The following ZNF609 variants were observed in gnomAD, a reference collection of about 807,000 sequenced individuals.
The protein encoded by ZNF609 is zinc finger protein 609.
A neutral mutation model predicts 109.5 loss-of-function variants in ZNF609; 11 were observed. The observed-to-expected ratio is 0.10, with a 90% confidence interval of 0.06 to 0.17. The LOEUF is 0.17. Among genes scored for constraint, ZNF609 ranks in the 10% least tolerant of loss-of-function variants. ZNF609 has a pLI of 1.00. For synonymous variants in ZNF609, 646 were observed against 662.0 expected, an observed-to-expected ratio of 0.98 and a Z score of 0.37; for missense variants, 1,559 against 1,772.4, an observed-to-expected ratio of 0.88 and a Z score of 2.16.
rs911612576 is a variant in ZNF609 at position 64,683,216 on chromosome 15, A to G, written c.*1530A>G. The stretch of plus-strand genomic sequence containing the variant: ...TGACCCTCTGGATTGAGAGAGAGAG[A>G]TAAAGACTGACAGACACCAGTGTAG... On this transcript the variant is annotated 3_prime_UTR_variant, in exon 10 of 10. Transcript: ENST00000326648. 1 of 152,606 alleles carries G rather than the reference A, an allele frequency of 6.6e-6. No homozygotes were observed. The allele number at this position is 152,606 out of a possible 1,614,324, so 9.5% of individuals were successfully genotyped here.
intron 2 of ZNF609, among the ~76,000 whole-genome samples, chr15:64,589,915 C>T (rs1029797186): frequency 3.9e-5 from 6 of 152,024 alleles, no homozygotes; most frequent in Admixed American, 1.3e-4. Flanking sequence ...CACAGATAAG[C>T]GATAGTGAAA....
intron 2 of ZNF609, among the ~76,000 whole-genome samples, chr15:64,564,698 G>C (rs1177078427): frequency 6.6e-6 from 1 of 151,826 alleles, no homozygotes; most frequent in Non-Finnish European, 1.5e-5. Context: ...ACCTATTTCA[G>C]TGTGGCTTCA....
intron 2 of ZNF609, among the ~76,000 whole-genome samples, chr15:64,509,688 G>A (rs1893689672): frequency 6.6e-6 from 1 of 152,180 alleles, no homozygotes; most frequent in Non-Finnish European, 1.5e-5. Flanking sequence ...TTGGCAGAGG[G>A]CTGATCTCAG....
chr15:64,471,246 A>G (rs1245681662), intron 1 of ZNF609: 3 of 152,160 alleles, frequency 2.0e-5, no homozygotes, highest in African/African-American at 7.2e-5. Flanking sequence ...CTGTAATCCC[A>G]GCTACTCAGG....
At chr15:64,531,347 A>C (rs1292207884) in intron 2 of ZNF609, among the ~76,000 whole-genome samples, 1 of 152,170 alleles carries the variant, frequency 6.6e-6, no homozygotes, top group East Asian at 1.9e-4. Flanking sequence ...GAGATGATAA[A>C]CCTAAAAACA....
At position 64,555,234 on chromosome 15, in the gene ZNF609, A is replaced by T. The variant is rs532491041; in HGVS notation, c.747+55068A>T. On this transcript the variant is annotated intron_variant, in intron 2 of 9. Coordinates refer to ENST00000326648, the MANE Select transcript of ZNF609 (RefSeq NM_015042.2). ...AAAACAAAATTAGCCAGCTGTGGTG[A>T]CACATGCCTGTAGTCCCAGCTACTC... is the stretch of plus-strand genomic sequence containing the variant. 1.3e-4 allele frequency among the ~76,000 whole-genome samples: 20 copies of T among 152,232 alleles called. No individual in the cohort carries two copies. The South Asian group carries it at 2.1e-3, about 16-fold the overall frequency.
intron 2 of ZNF609, among the ~76,000 whole-genome samples, chr15:64,560,544 A>G (rs1164413135): frequency 1.3e-5 from 2 of 152,010 alleles, no homozygotes; most frequent in African/African-American, 4.8e-5. Context: ...AAACTTGGGG[A>G]CCGCTCTTCC....
At chr15:64,633,463 G>A (rs1470545592) in intron 3 of ZNF609, among the ~76,000 whole-genome samples, 1 of 151,914 alleles carries the variant, frequency 6.6e-6, no homozygotes, top group African/African-American at 2.4e-5. Flanking sequence ...ATTTTCTTAC[G>A]GAAATGAGAT....
At chr15:64,465,973 A>G (rs894497690) in intron 1 of ZNF609, among the ~76,000 whole-genome samples, 1 of 151,826 alleles carries the variant, frequency 6.6e-6, no homozygotes, top group Admixed American at 6.6e-5. Flanking sequence ...AAAATTAGCC[A>G]GGCTTGGTGG....
At chr15:64,581,232 G>A (rs1393681913) in intron 2 of ZNF609, among the ~76,000 whole-genome samples, 1 of 151,968 alleles carries the variant, frequency 6.6e-6, no homozygotes, top group African/African-American at 2.4e-5. Context: ...GTCAACCGGA[G>A]GTGAGAGTTT....
chr15:64,475,187 T>C (rs1334978182), intron 1 of ZNF609, among the ~76,000 whole-genome samples: 1 of 151,186 alleles, frequency 6.6e-6, no homozygotes, highest in Non-Finnish European at 1.5e-5. Context: ...TTTTCTCTTC[T>C]GTTCTGTTGG....
At chr15:64,623,110 C>G in intron 3 of ZNF609, 58 bp downstream of exon 3, 2 of 1,528,310 alleles carry the variant, frequency 1.3e-6, no homozygotes, top group Non-Finnish European at 1.8e-6. Context: ...AGGGGAGCCA[C>G]CAGGGACTTA....
At chr15:64,566,086 GCAGTTCTCCCGCCTCAACCT>G (rs1273344786) in intron 2 of ZNF609, among the ~76,000 whole-genome samples, 1 of 152,162 alleles carries the variant, frequency 6.6e-6, no homozygotes, top group Non-Finnish European at 1.5e-5. Context: ...CTGGGCTCAA[GCAGTTCTCCCGCCTCAACCT>G]CCCAAAGTGT....
chr15:64,646,808 C>T (rs1240998927), intron 3 of ZNF609, among the ~76,000 whole-genome samples: 4 of 150,968 alleles, frequency 2.6e-5, no homozygotes, highest in South Asian at 2.1e-4. Flanking sequence ...GGCATGGTGG[C>T]GCATGCCTGT....
At chr15:64,583,834 C>T (rs545637351) in intron 2 of ZNF609, among the ~76,000 whole-genome samples, 1 of 152,148 alleles carries the variant, frequency 6.6e-6, no homozygotes, top group Non-Finnish European at 1.5e-5. Context: ...GTTTTGAACC[C>T]TACGCTCTTT....
chr15:64,664,737 T>C (rs1896624615), intron 3 of ZNF609, among the ~76,000 whole-genome samples: 1 of 152,220 alleles, frequency 6.6e-6, no homozygotes, highest in Non-Finnish European at 1.5e-5. Flanking sequence ...TGTCTTTCCA[T>C]ATCATAATTT....
intron 2 of ZNF609, among the ~76,000 whole-genome samples, chr15:64,552,190 T>C (rs1250327065): frequency 1.3e-5 from 2 of 152,144 alleles, no homozygotes; most frequent in Non-Finnish European, 2.9e-5. Context: ...TAGTTTATCA[T>C]TGCTTTCGTT....
chr15:64,492,579 G>A (rs972483858), intron 1 of ZNF609, among the ~76,000 whole-genome samples: 4 of 151,932 alleles, frequency 2.6e-5, no homozygotes, highest in Admixed American at 2.6e-4. Flanking sequence ...ATGGAGTCTC[G>A]CTGTGTTGCC....
chr15:64,467,990 T>C (rs1893038038), intron 1 of ZNF609, among the ~76,000 whole-genome samples: 1 of 152,068 alleles, frequency 6.6e-6, no homozygotes, highest in Non-Finnish European at 1.5e-5. Flanking sequence ...AAGAGTGTTA[T>C]GTTTTCTTTA....
Sources: gnomAD v4.1 joint callset for allele counts (sites outside exome capture counted in the v4.1 genomes callset) on GRCh38, gnomAD v4.1.1 for gene constraint, MANE v1.5 for transcripts, NCBI Gene and HGNC (gene_info 2026-07-23, HGNC 2026-07-21) for gene names.